RFX3: variants seen among roughly 807,000 people sequenced by gnomAD.
The protein encoded by RFX3 is regulatory factor X3, also known as transcription factor RFX3.
RFX3 carries 14 observed loss-of-function variants against 98.6 expected under a neutral mutation model. The ratio of observed to expected loss-of-function variants is 0.14; its 90% CI spans 0.09 to 0.22. RFX3 has a LOEUF of 0.22. RFX3 is among the 10% of genes least tolerant of loss of function. The pLI is 1.00. For synonymous variants in RFX3, 383 were observed against 328.4 expected, an observed-to-expected ratio of 1.17 and a Z score of -1.80; for missense variants, 639 against 926.9, an observed-to-expected ratio of 0.69 and a Z score of 4.03.
intron 3 of RFX3, among the ~76,000 whole-genome samples, chr9:3,333,556 A>G (rs1832835893): frequency 1.3e-5 from 2 of 151,380 alleles, no homozygotes; most frequent in South Asian, 2.1e-4. Flanking sequence ...ATGTTTATTT[A>G]ATAAAATAAA....
intron 3 of RFX3, among the ~76,000 whole-genome samples, chr9:3,338,072 A>G (rs2131004946): frequency 6.6e-6 from 1 of 152,344 alleles, no homozygotes; most frequent in Middle Eastern, 3.4e-3. Context: ...CAGAAAGATG[A>G]CATGTCTATT....
chr9:3,518,132 G>A (rs779313112), intron 1 of RFX3, among the ~76,000 whole-genome samples: 21 of 152,284 alleles, frequency 1.4e-4, no homozygotes, highest in Non-Finnish European at 2.5e-4. Context: ...TAGCATAGGC[G>A]TGTAGCAGGC....
At chr9:3,262,869 C>T in intron 13 of RFX3, 66 bp downstream of exon 13, 1 of 1,495,174 alleles carries the variant, frequency 6.7e-7, no homozygotes, top group Non-Finnish European at 9.2e-7. Context: ...ATTTGATGAT[C>T]CCAATTAAGA....
At chr9:3,277,102 A>G (rs1250441090) in intron 8 of RFX3, among the ~76,000 whole-genome samples, 1 of 152,180 alleles carries the variant, frequency 6.6e-6, no homozygotes, top group African/African-American at 2.4e-5. Context: ...TTTCATAGCA[A>G]TGAGTCTTTA....
intron 1 of RFX3, among the ~76,000 whole-genome samples, chr9:3,504,828 A>G (rs1231144513): frequency 2.3e-5 from 1 of 42,654 alleles, no homozygotes; most frequent in Non-Finnish European, 4.5e-5. Flanking sequence ...TTATATATAA[A>G]ATATGTATAA....
chr9:3,304,100 C>T (rs1324548261), intron 4 of RFX3, among the ~76,000 whole-genome samples: 1 of 151,898 alleles, frequency 6.6e-6, no homozygotes, highest in Admixed American at 6.6e-5. Flanking sequence ...CTTGGAAACC[C>T]ACGGGCTTCC....
intron 1 of RFX3, among the ~76,000 whole-genome samples, chr9:3,445,705 A>G (rs1481399079): frequency 6.6e-6 from 1 of 152,144 alleles, no homozygotes; most frequent in African/African-American, 2.4e-5. Context: ...TTAGAGGCAA[A>G]GTGTAAACTT....
intron 1 of RFX3, among the ~76,000 whole-genome samples, chr9:3,429,045 C>T (rs1050654638): frequency 2.1e-5 from 3 of 141,586 alleles, no homozygotes; most frequent in Non-Finnish European, 4.5e-5. Flanking sequence ...TTTTTTGAGA[C>T]GGAGTCTCGC....
chr9:3,505,236 ATATT>A (rs1441785447), intron 1 of RFX3, among the ~76,000 whole-genome samples: 2 of 88,018 alleles, frequency 2.3e-5, no homozygotes, highest in Non-Finnish European at 3.6e-5. Flanking sequence ...ATATGAATAT[ATATT>A]TATATATATA....
chr9:3,525,801 GGGAGGAGGAGGA>G lies in RFX3; in HGVS notation c.-75_-64del. The G allele has an allele frequency of 1.5e-6, 1 of 651,288 alleles. No homozygotes were observed. 40.3% of individuals were successfully genotyped at this position (651,288 alleles called of 1,614,324 possible). ...GTGGGTGATGGAGATGGTGGTGGTG[GGGAGGAGGAGGA>G]GGAAGAGGAGGAGGAGGAGGAGAGG... On this transcript the variant is annotated 5_prime_UTR_variant, in exon 1 of 17. Transcript: ENST00000617270.
intron 4 of RFX3, among the ~76,000 whole-genome samples, chr9:3,324,505 T>C (rs1011604063): frequency 1.3e-4 from 20 of 150,778 alleles, no homozygotes; most frequent in Admixed American, 2.6e-4. Context: ...GTTCTTCGTG[T>C]GCTAATATGA....
At chr9:3,343,050 T>C (rs1834067717) in intron 3 of RFX3, among the ~76,000 whole-genome samples, 2 of 152,234 alleles carry the variant, frequency 1.3e-5, no homozygotes, top group South Asian at 4.1e-4. Flanking sequence ...CCTGTTATGC[T>C]GGCAGTAATT....
chr9:3,418,562 T>A (rs1486311434), intron 1 of RFX3, among the ~76,000 whole-genome samples: 1 of 152,038 alleles, frequency 6.6e-6, no homozygotes, highest in East Asian at 1.9e-4. Context: ...GCGTTTTTAG[T>A]AGAGACGGGG....
rs528294488 is a variant in RFX3 at position 3,423,644 on chromosome 9, G to A, written c.-8-28048C>T. Among the ~76,000 whole-genome samples the A allele has an allele frequency of 3.3e-5, 5 of 151,866 alleles. No homozygotes were observed. In the East Asian group the frequency reaches 9.7e-4, roughly 29 times the overall value. ...AGTGTTTGCCTGGGGCTGGGGATGGGTACAAGGGAGCTTCGGGAAGTATAA... is the reference window on the plus strand; with the variant it reads ...AGTGTTTGCCTGGGGCTGGGGATGGATACAAGGGAGCTTCGGGAAGTATAA... On this transcript the variant is annotated intron_variant, in intron 1 of 16. Transcript: ENST00000617270.
chr9:3,277,446 C>G lies in RFX3; in HGVS notation c.867G>C (p.Gln289His). Residue 289 changes from glutamine to histidine, a missense_variant, in exon 8 of 17, where the codon CAG (glutamine) becomes CAC (histidine). By Grantham distance (24) the Gln-to-His change is conservative. Coordinates refer to ENST00000617270, the MANE Select transcript of RFX3 (RefSeq NM_001282116.2). ...AACCATCTGCAACCCCATCCACTTT[C>G]TGCATAGGCTTGTACCTAAAAATAT... ...MQQKQRYKPM[Q>H]KVDGVADGFT... The G allele has an allele frequency of 6.2e-7, 1 of 1,612,326 alleles. No individual in the cohort carries two copies. The highest frequency in any genetic ancestry group is 1.1e-5 in the South Asian group (1 of 91,022).
At chr9:3,461,975 T>A (rs781059581) in intron 1 of RFX3, among the ~76,000 whole-genome samples, 1 of 152,008 alleles carries the variant, frequency 6.6e-6, no homozygotes, top group Non-Finnish European at 1.5e-5. Flanking sequence ...AAGAAATAAG[T>A]TGTTTGAGTG....
At chr9:3,363,502 G>A (rs1452680134) in intron 2 of RFX3, among the ~76,000 whole-genome samples, 1 of 152,154 alleles carries the variant, frequency 6.6e-6, no homozygotes, top group Admixed American at 6.5e-5. Flanking sequence ...GAAATTACAA[G>A]AATGAATTAT....
chr9:3,459,168 T>C (rs1420373495), intron 1 of RFX3, among the ~76,000 whole-genome samples: 1 of 152,124 alleles, frequency 6.6e-6, no homozygotes, highest in Non-Finnish European at 1.5e-5. Flanking sequence ...CAAGAACTGC[T>C]TCATCTGTAC....
At chr9:3,453,615 C>A (rs1846877588) in intron 1 of RFX3, 1 of 152,014 alleles carries the variant, frequency 6.6e-6, no homozygotes. Context: ...GAGGCTGAGG[C>A]ATGAGAATTA....
Sources: gnomAD v4.1 joint callset for allele counts (sites outside exome capture counted in the v4.1 genomes callset) on GRCh38, gnomAD v4.1.1 for gene constraint, MANE v1.5 for transcripts, NCBI Gene and HGNC (gene_info 2026-07-23, HGNC 2026-07-21) for gene names.